Variants in EPHA4 observed in about 807,000 individuals in gnomAD.
The protein encoded by EPHA4 is EPH receptor A4.
A neutral mutation model predicts 108.3 loss-of-function variants in EPHA4; 19 were observed. The observed-to-expected ratio is 0.18, with a 90% CI of 0.12 to 0.26. EPHA4 has a LOEUF of 0.26. EPHA4 is among the 10% of genes least tolerant of loss of function. The pLI, the probability that EPHA4 is intolerant of heterozygous loss-of-function variation, is 1.00. For synonymous variants in EPHA4, 449 were observed against 455.5 expected (o/e 0.99, Z 0.18); for missense variants, 917 against 1,254.0 (o/e 0.73, Z 4.06).
rs1212945821 is a variant in EPHA4, at chr2:221,418,870, T to C, written c.*2502A>G. ...AGAGTCAACCTCATTTCTTTATACA[T>C]ATTTTTCAGGCATCAATGCATAGGC... On this transcript the variant is annotated 3_prime_UTR_variant, in exon 18 of 18. Transcript: ENST00000281821. 1 of 152,618 alleles carries C rather than the reference T, an allele frequency of 6.6e-6. No individual in the cohort carries two copies. The highest frequency in any genetic ancestry group is 2.4e-5 in the African/African-American group (1 of 41,430). The allele number at this position is 152,618 out of a possible 1,614,324, so 9.5% of individuals were successfully genotyped here.
At chr2:221,548,017 T>C (rs183639103) in intron 3 of EPHA4, among the ~76,000 whole-genome samples, 3 of 152,344 alleles carry the variant, frequency 2.0e-5, no homozygotes, top group African/African-American at 7.2e-5. Flanking sequence ...TGATATAGTT[T>C]GGATGTTTCT....
chr2:221,437,688 G>A (rs1210109524), intron 11 of EPHA4, among the ~76,000 whole-genome samples: 1 of 151,018 alleles, frequency 6.6e-6, no homozygotes, highest in Non-Finnish European at 1.5e-5. Context: ...AAGACAGTCG[G>A]ATTGCCTCAG....
At chr2:221,471,586 C>T (rs554456531) in intron 5 of EPHA4, among the ~76,000 whole-genome samples, 4 of 150,816 alleles carry the variant, frequency 2.7e-5, no homozygotes, top group East Asian at 2.0e-4. Context: ...CCAACAAACA[C>T]GTACAGTTAA....
intron 2 of EPHA4, among the ~76,000 whole-genome samples, chr2:221,564,657 C>T (rs764084504): frequency 5.9e-5 from 9 of 151,686 alleles, no homozygotes; most frequent in Admixed American, 2.0e-4. Context: ...TGTGAGTTCT[C>T]GGCAGTTCCT....
chr2:221,550,418 GGAGAGAGAGAGAGA>G (rs71406572), intron 3 of EPHA4, among the ~76,000 whole-genome samples: 1 of 135,604 alleles, frequency 7.4e-6, no homozygotes, highest in Non-Finnish European at 1.6e-5. Context: ...TGAGGAAAGG[GGAGAGAGAGAGAGA>G]GAGAGAGAGA....
At chr2:221,508,588 A>G (rs1692707815) in intron 3 of EPHA4, among the ~76,000 whole-genome samples, 1 of 58,892 alleles carries the variant, frequency 1.7e-5, no homozygotes, top group Admixed American at 1.6e-4. Flanking sequence ...CAAAACAGGA[A>G]AAAAAAAAAA....
intron 5 of EPHA4, among the ~76,000 whole-genome samples, chr2:221,465,449 C>T (rs13026588): frequency 0.5 from 75,679 of 151,984 alleles, 19,428 homozygotes; most frequent in Non-Finnish European, 0.56. Flanking sequence ...CTATTCTTAG[C>T]CTTCACGTTA....
intron 5 of EPHA4, among the ~76,000 whole-genome samples, chr2:221,469,856 A>G (rs1691425282): frequency 6.6e-6 from 1 of 152,128 alleles, no homozygotes; most frequent in Admixed American, 6.6e-5. Context: ...CCAATTCTCC[A>G]TCAGATATAC....
intron 4 of EPHA4, among the ~76,000 whole-genome samples, chr2:221,486,924 A>C (rs754028230): frequency 6.6e-6 from 1 of 152,122 alleles, no homozygotes; most frequent in African/African-American, 2.4e-5. Context: ...TGTGTGAACT[A>C]TGCAGCCTTC....
chr2:221,483,670 C>A (rs188128226), intron 4 of EPHA4, among the ~76,000 whole-genome samples: 1 of 152,160 alleles, frequency 6.6e-6, no homozygotes, highest in African/African-American at 2.4e-5. Flanking sequence ...TGTGTGCCAC[C>A]ACACCTGCTA....
At chr2:221,562,351 T>G (rs977584644) in intron 3 of EPHA4, among the ~76,000 whole-genome samples, 1 of 152,174 alleles carries the variant, frequency 6.6e-6, no homozygotes, top group African/African-American at 2.4e-5. Context: ...TTCAGACAAG[T>G]GTAAACTATG....
chr2:221,505,334 A>T (rs1024438867), intron 3 of EPHA4, among the ~76,000 whole-genome samples: 8 of 151,822 alleles, frequency 5.3e-5, no homozygotes, highest in Admixed American at 1.3e-4. Flanking sequence ...TTATTTATTT[A>T]TTTTTTTGAG....
intron 3 of EPHA4, among the ~76,000 whole-genome samples, chr2:221,534,495 A>C (rs1188861516): frequency 1.3e-5 from 2 of 152,218 alleles, no homozygotes; most frequent in Non-Finnish European, 2.9e-5. Context: ...CATCTTGCAC[A>C]TGCTGGTAAA....
chr2:221,503,869 C>A (rs1007674732), intron 3 of EPHA4, among the ~76,000 whole-genome samples: 1 of 152,158 alleles, frequency 6.6e-6, no homozygotes, highest in African/African-American at 2.4e-5. Flanking sequence ...CATTTTGCTG[C>A]CTACATTTAA....
At chr2:221,480,522 T>G (rs897546086) in intron 5 of EPHA4, among the ~76,000 whole-genome samples, 1 of 152,154 alleles carries the variant, frequency 6.6e-6, no homozygotes, top group African/African-American at 2.4e-5. Flanking sequence ...ATATTTCCAT[T>G]GCATTCTTCC....
chr2:221,473,552 G>GAA (rs772366510), intron 5 of EPHA4, among the ~76,000 whole-genome samples: 22,256 of 109,298 alleles, frequency 0.2, 2,328 homozygotes, highest in East Asian at 0.27. Flanking sequence ...GTGTTTAAAG[G>GAA]AAAAAAAAAA....
At chr2:221,553,592 C>A (rs756907514) in intron 3 of EPHA4, among the ~76,000 whole-genome samples, 2 of 152,150 alleles carry the variant, frequency 1.3e-5, no homozygotes, top group Non-Finnish European at 2.9e-5. Context: ...AGCAGGGAAG[C>A]GATTGTTACA....
chr2:221,488,254 A>G (rs1458949070), intron 4 of EPHA4, among the ~76,000 whole-genome samples: 4 of 152,160 alleles, frequency 2.6e-5, no homozygotes, highest in African/African-American at 7.2e-5. Context: ...TCTTTTTAGG[A>G]AGATGCTCTC....
At chr2:221,545,449 A>G (rs2106194062) in intron 3 of EPHA4, among the ~76,000 whole-genome samples, 1 of 152,252 alleles carries the variant, frequency 6.6e-6, no homozygotes. Context: ...AGCCTGGGCG[A>G]CAGAGCAAGA....
Sources: gnomAD v4.1 joint callset for allele counts (sites outside exome capture counted in the v4.1 genomes callset) on GRCh38, gnomAD v4.1.1 for gene constraint, MANE v1.5 for transcripts, NCBI Gene and HGNC (gene_info 2026-07-23, HGNC 2026-07-21) for gene names.